Variants in CAMTA1 observed in about 807,000 individuals in gnomAD.
The protein encoded by CAMTA1 is calmodulin-binding transcription activator 1.
Under a neutral mutation model 170.9 loss-of-function variants are expected in CAMTA1, and 27 were observed. The ratio of observed to expected loss-of-function variants is 0.16; its 90% CI spans 0.12 to 0.22. CAMTA1 has a LOEUF of 0.22. Among genes scored for constraint, CAMTA1 ranks in the 10% least tolerant of loss-of-function variants. The pLI is 1.00. For missense variants in CAMTA1, 1,619 were observed against 2,217.2 expected (o/e 0.73, Z 5.42); for synonymous variants, 833 against 891.5 (o/e 0.93, Z 1.17).
intron 5 of CAMTA1, among the ~76,000 whole-genome samples, chr1:7,354,638 C>G (rs563535435): frequency 6.6e-6 from 1 of 152,314 alleles, no homozygotes; most frequent in Non-Finnish European, 1.5e-5. Flanking sequence ...TGAGAAGTCT[C>G]CAAACTGCTT....
At chr1:6,984,440 C>T (rs1048850124) in intron 3 of CAMTA1, among the ~76,000 whole-genome samples, 8 of 151,956 alleles carry the variant, frequency 5.3e-5, no homozygotes, top group African/African-American at 1.9e-4. Context: ...TGATGAACCC[C>T]GTCTCTAACA....
chr1:7,153,084 T>C (rs1646668775), intron 4 of CAMTA1, among the ~76,000 whole-genome samples: 1 of 152,204 alleles, frequency 6.6e-6, no homozygotes, highest in Non-Finnish European at 1.5e-5. Context: ...GCGAGGATAT[T>C]GAATTGCGGT....
chr1:6,951,728 C>T (rs1292121228), intron 3 of CAMTA1, among the ~76,000 whole-genome samples: 2 of 152,166 alleles, frequency 1.3e-5, no homozygotes, highest in Non-Finnish European at 2.9e-5. Flanking sequence ...GGGTCCGGAG[C>T]CTTCCTGGGC....
At chr1:7,392,311 A>G (rs940826036) in intron 5 of CAMTA1, among the ~76,000 whole-genome samples, 4 of 145,116 alleles carry the variant, frequency 2.8e-5, no homozygotes, top group Non-Finnish European at 6.0e-5. Context: ...GCTGGAACGC[A>G]ATGGTGCAAT....
chr1:7,678,748 T>C (rs2096151599), intron 11 of CAMTA1, among the ~76,000 whole-genome samples: 1 of 152,158 alleles, frequency 6.6e-6, no homozygotes, highest in Non-Finnish European at 1.5e-5. Context: ...GCCCAGGATG[T>C]TGAGGTCTGG....
rs1557491898 is a variant in CAMTA1 at position 7,310,706 on chromosome 1, CTTTCTTTCTTTCTTTCTT to C, written c.438+61082_438+61099del. Among the ~76,000 whole-genome samples, 21 of 57,612 alleles carry C rather than the reference CTTTCTTTCTTTCTTTCTT, an allele frequency of 3.6e-4. 2 individuals are homozygous for C. Among genetic ancestry groups the C allele is most frequent in the African/African-American group, 1.9e-3 (17 of 8,796 alleles). 37.8% of individuals were successfully genotyped at this position (57,612 alleles called of 152,430 possible). A position where few individuals can be genotyped will look rare whatever the true frequency, so the allele number is the denominator to read the frequency against. On this transcript the variant is annotated intron_variant, in intron 5 of 22. Transcript: ENST00000303635. ...TCTCTCTCTCTCTCTCTCTCTCTTT[CTTTCTTTCTTTCTTTCTT>C]TCTTTCTTTCTTTCTTTCTTTTTTT... is the stretch of plus-strand genomic sequence containing the variant.
At chr1:6,917,491 G>T (rs578258146) in intron 3 of CAMTA1, among the ~76,000 whole-genome samples, 2 of 148,202 alleles carry the variant, frequency 1.3e-5, no homozygotes, top group African/African-American at 5.0e-5. Flanking sequence ...GAGCTGGAGA[G>T]AAGTGACAGA....
intron 6 of CAMTA1, among the ~76,000 whole-genome samples, chr1:7,471,593 C>A (rs544311026): frequency 6.6e-6 from 1 of 152,344 alleles, no homozygotes; most frequent in African/African-American, 2.4e-5. Flanking sequence ...TGAGACCCAG[C>A]GAGAGCAGGG....
At chr1:7,597,928 C>T (rs1040918386) in intron 6 of CAMTA1, among the ~76,000 whole-genome samples, 4 of 150,090 alleles carry the variant, frequency 2.7e-5, no homozygotes, top group Admixed American at 6.7e-5. Flanking sequence ...ACTATCAACC[C>T]GTCATCTACT....
In CAMTA1 at chr1:7,008,042, C is replaced by T. The variant is rs574536757; in HGVS notation, c.235-83262C>T. Among the ~76,000 whole-genome samples the T allele has an allele frequency of 2.6e-5, 4 of 152,248 alleles. No homozygotes were observed. In the East Asian group the frequency reaches 5.8e-4, roughly 22 times the overall value. ...AAGATGGGAGTCCCACCCCAGCCTGCGTGTTTCTCTGGGAAACAGGTTTCA... is the reference window on the plus strand; with the variant it reads ...AAGATGGGAGTCCCACCCCAGCCTGTGTGTTTCTCTGGGAAACAGGTTTCA... On this transcript the variant is annotated intron_variant, in intron 3 of 22. Coordinates refer to ENST00000303635, the MANE Select transcript of CAMTA1 (RefSeq NM_015215.4).
At chr1:7,135,841 C>T (rs1344667572) in intron 4 of CAMTA1, among the ~76,000 whole-genome samples, 1 of 152,136 alleles carries the variant, frequency 6.6e-6, no homozygotes, top group East Asian at 1.9e-4. Context: ...GGAGTACCAG[C>T]GACATTAAGT....
chr1:7,191,412 C>G (rs890561660), intron 4 of CAMTA1, among the ~76,000 whole-genome samples: 2 of 152,148 alleles, frequency 1.3e-5, no homozygotes, highest in African/African-American at 4.8e-5. Context: ...CCACCTTGCA[C>G]CATATTATCA....
At chr1:7,537,852 A>T (rs555143324) in intron 6 of CAMTA1, among the ~76,000 whole-genome samples, 1 of 152,230 alleles carries the variant, frequency 6.6e-6, no homozygotes, top group Admixed American at 6.5e-5. Flanking sequence ...GATAGAAAAA[A>T]AGACTTTTTA....
intron 4 of CAMTA1, among the ~76,000 whole-genome samples, chr1:7,124,710 T>G (rs1297256160): frequency 2.0e-5 from 3 of 152,256 alleles, no homozygotes; most frequent in African/African-American, 7.2e-5. Context: ...GTCTCGTTCT[T>G]GAGTCCCCAC....
At chr1:7,358,154 G>A (rs1449032808) in intron 5 of CAMTA1, among the ~76,000 whole-genome samples, 1 of 152,352 alleles carries the variant, frequency 6.6e-6, no homozygotes, top group East Asian at 1.9e-4. Flanking sequence ...TGGAAAGGTT[G>A]TAGTCACTGG....
intron 3 of CAMTA1, among the ~76,000 whole-genome samples, chr1:6,989,902 GA>G (rs1696066046): frequency 6.6e-6 from 1 of 152,274 alleles, no homozygotes; most frequent in East Asian, 1.9e-4. Context: ...GGAATAGAGG[GA>G]AAGGGAGCTG....
At chr1:7,290,213 G>A (rs1188764931) in intron 5 of CAMTA1, among the ~76,000 whole-genome samples, 1 of 152,220 alleles carries the variant, frequency 6.6e-6, no homozygotes, top group Non-Finnish European at 1.5e-5. Context: ...GCCTGGCAGA[G>A]GGAAGGGATG....
intron 4 of CAMTA1, among the ~76,000 whole-genome samples, chr1:7,136,848 A>C (rs1645573507): frequency 6.6e-6 from 1 of 152,104 alleles, no homozygotes; most frequent in Admixed American, 6.5e-5. Flanking sequence ...CTAACCCCTT[A>C]AGGCTGGAGC....
chr1:7,168,803 A>C (rs1649027880), intron 4 of CAMTA1, among the ~76,000 whole-genome samples: 1 of 152,240 alleles, frequency 6.6e-6, no homozygotes, highest in Non-Finnish European at 1.5e-5. Flanking sequence ...GTCCTAGTAC[A>C]ACTTCTAGTT....
Sources: gnomAD v4.1 joint callset for allele counts (sites outside exome capture counted in the v4.1 genomes callset) on GRCh38, gnomAD v4.1.1 for gene constraint, MANE v1.5 for transcripts, NCBI Gene and HGNC (gene_info 2026-07-23, HGNC 2026-07-21) for gene names.